The following KANK4 variants were observed in gnomAD, a reference collection of about 807,000 sequenced individuals.
The protein encoded by KANK4 is KN motif and ankyrin repeat domains 4.
A neutral mutation model predicts 80.8 loss-of-function variants in KANK4; 50 were observed. That is an observed-to-expected ratio of 0.62 (90% CI 0.49 to 0.78). The LOEUF (loss-of-function observed/expected upper bound fraction) is 0.78, where lower values mean the gene tolerates loss of function less well. Among genes scored for constraint, KANK4 ranks in the 30% least tolerant of loss-of-function variants. The pLI is 0.00. For synonymous variants in KANK4, 465 were observed against 506.9 expected (o/e 0.92, Z 1.11); for missense variants, 1,196 against 1,240.1 (o/e 0.96, Z 0.53).
intron 1 of KANK4, among the ~76,000 whole-genome samples, chr1:62,310,933 A>G (rs1185306835): frequency 6.6e-6 from 1 of 152,194 alleles, no homozygotes; most frequent in Non-Finnish European, 1.5e-5. Flanking sequence ...CAGAGCTGGC[A>G]TTAGAACCCA....
intron 9 of KANK4, among the ~76,000 whole-genome samples, chr1:62,241,491 T>C (rs1440343503): frequency 6.6e-6 from 1 of 152,202 alleles, no homozygotes; most frequent in Admixed American, 6.5e-5. Context: ...TGTGAGGTTA[T>C]TTGATAAATT....
At chr1:62,293,893 A>C (rs1644334295) in intron 1 of KANK4, among the ~76,000 whole-genome samples, 1 of 152,162 alleles carries the variant, frequency 6.6e-6, no homozygotes, top group Admixed American at 6.5e-5. Flanking sequence ...ATTTACAGCA[A>C]GTGACTATGG....
chr1:62,243,342 T>A (rs1373186096), intron 9 of KANK4, among the ~76,000 whole-genome samples: 8 of 35,314 alleles, frequency 2.3e-4, no homozygotes, highest in African/African-American at 5.0e-4. Context: ...GACCAGATAA[T>A]TTTTTTTTTT....
rs1672717539 is a variant in KANK4, at chr1:62,293,063, TG to T, written c.-70-11430del. On this transcript the variant is annotated intron_variant, in intron 1 of 9. Coordinates refer to ENST00000371153, the MANE Select transcript of KANK4 (RefSeq NM_181712.5). Reference sequence around the variant, plus strand: ...CCCTGCCATTAAGTGTCTCAATCTTTGTGTGTGTGTGTGTGTGTGTGTGTGT... The same window carrying T: ...CCCTGCCATTAAGTGTCTCAATCTTTTGTGTGTGTGTGTGTGTGTGTGTGT... Among the ~76,000 whole-genome samples the T allele has an allele frequency of 1.0e-3, 5 of 5,008 alleles. No homozygotes were observed. In the Admixed American group the frequency reaches 0.013, roughly 13 times the overall value. The allele number at this position is 5,008 out of a possible 152,430, so 3.3% of individuals were successfully genotyped here. A position where few individuals can be genotyped will look rare whatever the true frequency, so the allele number is the denominator to read the frequency against.
intron 2 of KANK4, among the ~76,000 whole-genome samples, 179 bp from the exon 3 acceptor site, chr1:62,275,266 C>A (rs751037242): frequency 3.9e-5 from 6 of 152,184 alleles, no homozygotes; most frequent in Non-Finnish European, 8.8e-5. Flanking sequence ...GGAAAATCAT[C>A]TTATTAAATC....
At chr1:62,239,431 T>A (rs1179784328) in intron 9 of KANK4, among the ~76,000 whole-genome samples, 9 of 152,200 alleles carry the variant, frequency 5.9e-5, no homozygotes, top group Non-Finnish European at 1.5e-5. Context: ...TGGAAATGTA[T>A]GTTGTTTCTA....
intron 4 of KANK4, among the ~76,000 whole-genome samples, chr1:62,271,039 A>G (rs148869858): frequency 1.6e-4 from 25 of 152,330 alleles, no homozygotes; most frequent in African/African-American, 5.8e-4. Context: ...TTCTAAGCCA[A>G]TAGTCTAGTT....
intron 5 of KANK4, among the ~76,000 whole-genome samples, 165 bp from the exon 6 acceptor site, chr1:62,266,984 G>T (rs937766839): frequency 1.3e-5 from 2 of 152,178 alleles, no homozygotes; most frequent in African/African-American, 4.8e-5. Flanking sequence ...ACCATGGTGT[G>T]TGCCGATGTG....
rs1671223626 is a variant in KANK4, at chr1:62,237,167, G to C, written c.*1110C>G. 7.1e-6 allele frequency: 1 copy of C among 141,502 alleles called. No homozygotes were observed. The highest frequency in any genetic ancestry group is 2.6e-5 in the African/African-American group (1 of 37,802). The allele number at this position is 141,502 out of a possible 1,614,324, so 8.8% of individuals were successfully genotyped here. ...TTTTTTTGCATAAGAGATTTTAAGA[G>C]AGCAGATTTAAGAAAGATTCAGATG... is the stretch of plus-strand genomic sequence containing the variant. On this transcript the variant is annotated 3_prime_UTR_variant, in exon 10 of 10. Coordinates refer to ENST00000371153, the MANE Select transcript of KANK4 (RefSeq NM_181712.5).
intron 7 of KANK4, among the ~76,000 whole-genome samples, chr1:62,257,327 A>T (rs1671775140): frequency 6.6e-6 from 1 of 152,156 alleles, no homozygotes; most frequent in Non-Finnish European, 1.5e-5. Flanking sequence ...ACCTCAGGTG[A>T]TCCACCTGCC....
intron 1 of KANK4, among the ~76,000 whole-genome samples, chr1:62,316,990 G>C (rs1377291577): frequency 6.6e-6 from 1 of 152,216 alleles, no homozygotes; most frequent in Non-Finnish European, 1.5e-5. Context: ...AAAGCTAAGA[G>C]TGCATTCACT....
rs10560623 is a variant in KANK4, at chr1:62,279,198, GCACACACACACA to G, written c.16+2339_16+2350del. ...TAGGTGCTTTCCTAAGCTAGCGCGCGCACACACACACACACACACACACACACACACACACAC... is the reference window on the plus strand; with the variant it reads ...TAGGTGCTTTCCTAAGCTAGCGCGCGCACACACACACACACACACACACAC... On this transcript the variant is annotated intron_variant, in intron 2 of 9. Transcript: ENST00000371153. 1.8e-3 allele frequency among the ~76,000 whole-genome samples: 259 copies of G among 146,278 alleles called. 3 individuals carry two copies. In the East Asian group the frequency reaches 0.035, roughly 20 times the overall value.
chr1:62,241,188 G>A (rs185045703), intron 9 of KANK4, among the ~76,000 whole-genome samples: 20 of 152,304 alleles, frequency 1.3e-4, no homozygotes, highest in African/African-American at 4.3e-4. Context: ...TCCCATGCAC[G>A]GGGATAGAAT....
At chr1:62,258,075 G>C (rs780149884) in intron 7 of KANK4, among the ~76,000 whole-genome samples, 1 of 152,204 alleles carries the variant, frequency 6.6e-6, no homozygotes, top group Non-Finnish European at 1.5e-5. Flanking sequence ...CAGATTAAGA[G>C]ACTGATCGAT....
chr1:62,311,004 G>A (rs1230266895), intron 1 of KANK4, among the ~76,000 whole-genome samples: 2 of 152,080 alleles, frequency 1.3e-5, no homozygotes, highest in Admixed American at 6.5e-5. Context: ...CCTGCAGACT[G>A]TATGCCTGTG....
intron 1 of KANK4, among the ~76,000 whole-genome samples, chr1:62,312,931 T>C (rs970751488): frequency 1.3e-4 from 20 of 152,128 alleles, no homozygotes; most frequent in Admixed American, 3.3e-4. Flanking sequence ...TCAAGGATGC[T>C]TGGCCTCCTT....
chr1:62,251,978 T>A (rs1337718990), intron 8 of KANK4, among the ~76,000 whole-genome samples: 3 of 125,362 alleles, frequency 2.4e-5, no homozygotes, highest in Admixed American at 9.5e-5. Context: ...GGTGACAGAG[T>A]GAGACTCCGT....
rs763596044 is a variant in KANK4, at chr1:62,273,738, A to G, written c.1366T>C (p.Trp456Arg). 60 of 1,613,950 alleles carry G rather than the reference A, an allele frequency of 3.7e-5. No homozygotes were observed. The highest frequency in any genetic ancestry group is 4.7e-5 in the Non-Finnish European group (56 of 1,179,978). Reference sequence around the variant, plus strand: ...CCTTGTTTATGACCATCTGGCCCCCATAGGAGGCCATTCTCCTCTCCTCGG... The same window carrying G: ...CCTTGTTTATGACCATCTGGCCCCCGTAGGAGGCCATTCTCCTCTCCTCGG... ...GHRGEENGLL[W>R]GPDGHKQGNQ... Residue 456 changes from tryptophan (W) to arginine (R), a missense_variant, in exon 3 of 10, where the codon TGG (tryptophan) becomes CGG (arginine). Transcript: ENST00000371153.
chr1:62,246,410 G>T (rs776912124), intron 9 of KANK4, among the ~76,000 whole-genome samples: 1 of 152,040 alleles, frequency 6.6e-6, no homozygotes, highest in Non-Finnish European at 1.5e-5. Flanking sequence ...GTCCCTGCTG[G>T]ACAGCAGAGC....
Sources: allele counts gnomAD v4.1 joint callset (sites outside exome capture counted in the v4.1 genomes callset), GRCh38; gene constraint gnomAD v4.1.1; transcripts MANE v1.5; gene names NCBI Gene and HGNC (gene_info 2026-07-23, HGNC 2026-07-21).